Variants in ANKRD31 observed in about 807,000 individuals in gnomAD.
ANKRD31 encodes ankyrin repeat domain-containing protein 31.
ANKRD31 carries 147 observed loss-of-function variants against 186.0 expected under a neutral mutation model. The observed-to-expected ratio is 0.79, with a 90% confidence interval of 0.69 to 0.91. ANKRD31 has a LOEUF of 0.91. Ranked by LOEUF, ANKRD31 falls within the 40% of genes least tolerant of loss-of-function variation. ANKRD31 has a pLI of 0.00. For missense variants in ANKRD31, 1,986 were observed against 2,148.8 expected (o/e 0.92, Z 1.50); for synonymous variants, 673 against 736.4 (o/e 0.91, Z 1.39).
chr5:75,220,977 G>A (rs1044178358), intron 3 of ANKRD31, among the ~76,000 whole-genome samples: 7 of 152,088 alleles, frequency 4.6e-5, no homozygotes, highest in African/African-American at 1.7e-4. Context: ...GCACGTGGTG[G>A]AATACTATGC....
intron 11 of ANKRD31, among the ~76,000 whole-genome samples, chr5:75,157,716 T>C (rs1422324694): frequency 6.6e-6 from 1 of 152,122 alleles, no homozygotes; most frequent in Non-Finnish European, 1.5e-5. Context: ...CCCTGATCTA[T>C]GAAAGACCCT....
At chr5:75,222,447 G>T in intron 2 of ANKRD31, 89 bp from the exon 3 acceptor site, 3 of 883,296 alleles carry the variant, frequency 3.4e-6, no homozygotes, top group African/African-American at 3.5e-5. Flanking sequence ...CATGCAAAAT[G>T]TTATCAAGAA....
Position 75,154,255 on chromosome 5 carries a change from T to C in ANKRD31, c.1798A>G (p.Met600Val), listed in dbSNP as rs529027961. The C allele has an allele frequency of 3.9e-6, 6 of 1,535,258 alleles. No individual in the cohort carries two copies. The South Asian group carries it at 4.8e-5, about 12-fold the overall frequency. Residue 600 changes from methionine to valine, a missense_variant, in exon 12 of 26, where the codon ATG becomes GTG. Transcript: ENST00000506364. ...CALDEAKDLC[M>V]KRLLERYIPK... ...ATATATCTCTCAAGGAGACGCTTCA[T>C]ACATAAATCCTTGGCCTCATCCAAA...
chr5:75,227,763 G>A (rs550928906), intron 2 of ANKRD31, among the ~76,000 whole-genome samples: 8 of 152,142 alleles, frequency 5.3e-5, no homozygotes, highest in East Asian at 1.9e-4. Flanking sequence ...GTACCCATCC[G>A]TGGCCTGTTA....
intron 23 of ANKRD31, among the ~76,000 whole-genome samples, chr5:75,088,567 C>T (rs935237794): frequency 6.6e-6 from 1 of 152,170 alleles, no homozygotes; most frequent in Non-Finnish European, 1.5e-5. Flanking sequence ...TGCATACATT[C>T]ATAAAGGTGG....
At chr5:75,192,636 G>A in intron 9 of ANKRD31, 31 bp downstream of exon 9, 2 of 1,426,854 alleles carry the variant, frequency 1.4e-6, no homozygotes, top group Non-Finnish European at 1.9e-6. Context: ...TTTTGTAAAA[G>A]AAATAGAAAA....
intron 17 of ANKRD31, among the ~76,000 whole-genome samples, chr5:75,124,589 GCA>G (rs1561446719): frequency 6.6e-6 from 1 of 151,752 alleles, no homozygotes; most frequent in African/African-American, 2.4e-5. Flanking sequence ...ACACACACAC[GCA>G]CACACGTGCA....
intron 9 of ANKRD31, among the ~76,000 whole-genome samples, chr5:75,190,258 C>A (rs756210466): frequency 6.6e-6 from 1 of 152,030 alleles, no homozygotes; most frequent in African/African-American, 2.4e-5. Flanking sequence ...TGGGCTCAAG[C>A]GATCCACCCA....
chr5:75,086,567 C>G (rs570889338), intron 23 of ANKRD31, among the ~76,000 whole-genome samples: 2 of 152,290 alleles, frequency 1.3e-5, no homozygotes, highest in East Asian at 3.9e-4. Context: ...GACAACATAG[C>G]CTCCAGTGAT....
intron 5 of ANKRD31, among the ~76,000 whole-genome samples, chr5:75,204,969 C>G (rs188292296): frequency 1.0e-3 from 157 of 152,316 alleles, no homozygotes; most frequent in African/African-American, 3.7e-3. Flanking sequence ...ACCTCCTGGG[C>G]TCAAGCTGTC....
At chr5:75,149,045 T>C (rs558626401) in intron 12 of ANKRD31, among the ~76,000 whole-genome samples, 3 of 152,016 alleles carry the variant, frequency 2.0e-5, no homozygotes, top group South Asian at 2.1e-4. Context: ...AAGGTCCTAA[T>C]TGAATGCTGC....
At chr5:75,168,375 G>T (rs942169873) in intron 11 of ANKRD31, among the ~76,000 whole-genome samples, 4 of 152,206 alleles carry the variant, frequency 2.6e-5, no homozygotes, top group Middle Eastern at 3.4e-3. Flanking sequence ...TTGCAATGTT[G>T]TCCCAGGGCC....
At position 75,096,324 on chromosome 5, in the gene ANKRD31, G is replaced by A. The variant is rs189052757; in HGVS notation, c.5332-4923C>T. 1.1e-3 allele frequency among the ~76,000 whole-genome samples: 164 copies of A among 152,228 alleles called. 1 individual carries two copies. Among genetic ancestry groups the A allele is most frequent in the Non-Finnish European group, 1.6e-3 (108 of 67,996 alleles). ...CCACATGAATGTCTTCTTTTGAGAA[G>A]TGTCCATGTCCTTTGCTCACTTTTT... On this transcript the variant is annotated intron_variant, in intron 22 of 25. Transcript: ENST00000506364.
Position 75,147,348 on chromosome 5 carries a change from T to G in ANKRD31, c.2063A>C (p.Asn688Thr). 2 of 1,532,866 alleles carry G rather than the reference T, an allele frequency of 1.3e-6. No individual in the cohort carries two copies. The highest frequency in any genetic ancestry group is 8.7e-7 in the Non-Finnish European group (1 of 1,145,180). 95.0% of individuals were successfully genotyped at this position (1,532,866 alleles called of 1,614,324 possible). The change falls in exon 14 of 26, where the codon AAC becomes ACC. Residue 688 changes from asparagine to threonine, a missense_variant. By Grantham distance (65) the Asn-to-Thr change is moderately conservative. Transcript: ENST00000506364. ...VYEYYQKDPKNTKFGKSKHKQ... is the reference protein window; with the variant it reads ...VYEYYQKDPKTTKFGKSKHKQ... ...ATGCTTGGATTTACCAAATTTTGTG[T>G]TTTTGGGATCTTTTTGGTAATATTC...
intron 10 of ANKRD31, among the ~76,000 whole-genome samples, chr5:75,175,995 G>A (rs1353403492): frequency 1.3e-5 from 2 of 152,116 alleles, no homozygotes; most frequent in Non-Finnish European, 2.9e-5. Context: ...CAAAGAAAAG[G>A]GTGACAGACG....
intron 17 of ANKRD31, among the ~76,000 whole-genome samples, chr5:75,126,250 T>A (rs763232874): frequency 3.3e-5 from 5 of 152,202 alleles, no homozygotes; most frequent in Non-Finnish European, 5.9e-5. Flanking sequence ...GAGACCAGCC[T>A]GGCCAACATG....
chr5:75,169,211 T>C (rs1275710867), intron 10 of ANKRD31, 90 bp from the exon 11 acceptor site: 2 of 1,398,110 alleles, frequency 1.4e-6, no homozygotes, highest in Non-Finnish European at 1.9e-6. Context: ...TGATTCTAAG[T>C]TCTTTCTTCA....
At chr5:75,182,527 T>A (rs1195814873) in intron 10 of ANKRD31, among the ~76,000 whole-genome samples, 1 of 152,088 alleles carries the variant, frequency 6.6e-6, no homozygotes, top group Admixed American at 6.6e-5. Flanking sequence ...AAGACCAGCC[T>A]GGCCAACATG....
chr5:75,074,688 T>C (rs889979525), intron 25 of ANKRD31, among the ~76,000 whole-genome samples: 3 of 152,212 alleles, frequency 2.0e-5, no homozygotes, highest in African/African-American at 7.2e-5. Flanking sequence ...TTTACATATG[T>C]AACAAACATG....
Sources: gnomAD v4.1 joint callset for allele counts (sites outside exome capture counted in the v4.1 genomes callset) on GRCh38, gnomAD v4.1.1 for gene constraint, MANE v1.5 for transcripts, NCBI Gene and HGNC (gene_info 2026-07-23, HGNC 2026-07-21) for gene names.